NPAS3: variants seen among roughly 807,000 people sequenced by gnomAD.
NPAS3 encodes the protein neuronal PAS domain protein 3.
NPAS3 carries 14 observed loss-of-function variants against 73.1 expected under a neutral mutation model. The ratio of observed to expected loss-of-function variants is 0.19; its 90% confidence interval spans 0.13 to 0.30. NPAS3 has a LOEUF of 0.30. Ranked by LOEUF, NPAS3 falls within the 10% of genes least tolerant of loss-of-function variation. The pLI is 1.00. For missense variants in NPAS3, 1,096 were observed against 1,250.0 expected (o/e 0.88, Z 1.86); for synonymous variants, 620 against 541.5 (o/e 1.14, Z -2.01).
intron 1 of NPAS3, among the ~76,000 whole-genome samples, chr14:32,982,789 AC>A (rs925850517): frequency 5.9e-5 from 9 of 152,186 alleles, no homozygotes; most frequent in African/African-American, 2.2e-4. Flanking sequence ...GGAAGGTAAA[AC>A]CCGTATCACT....
rs182079925 is a variant in NPAS3 at position 33,352,039 on chromosome 14, G to A, written c.386-15147G>A. ...CTGCACATGTACCCCAGAACTTAACGTGTTAAAAAAAAAACATCTGCGGTT... is the reference window on the plus strand; with the variant it reads ...CTGCACATGTACCCCAGAACTTAACATGTTAAAAAAAAAACATCTGCGGTT... On this transcript the variant is annotated intron_variant, in intron 3 of 11. Coordinates refer to ENST00000356141, the Ensembl canonical transcript of NPAS3. 5.5e-5 allele frequency among the ~76,000 whole-genome samples: 8 copies of A among 146,604 alleles called. No individual in the cohort carries two copies. The East Asian group carries it at 1.0e-3, about 18-fold the overall frequency.
At chr14:33,598,429 C>T (rs1024070933) in intron 5 of NPAS3, among the ~76,000 whole-genome samples, 5 of 152,184 alleles carry the variant, frequency 3.3e-5, no homozygotes, top group Admixed American at 2.6e-4. Context: ...TTTAATAAGT[C>T]ATCATTCTAT....
intron 5 of NPAS3, among the ~76,000 whole-genome samples, chr14:33,601,718 A>C (rs1472675595): frequency 6.6e-6 from 1 of 152,174 alleles, no homozygotes; most frequent in African/African-American, 2.4e-5. Flanking sequence ...TATTTCTGGA[A>C]AGTAACTTAG....
intron 5 of NPAS3, among the ~76,000 whole-genome samples, chr14:33,588,122 G>C (rs1189097079): frequency 1.3e-5 from 2 of 152,236 alleles, no homozygotes; most frequent in East Asian, 3.9e-4. Flanking sequence ...AAAAATATAA[G>C]GCACGTTTTT....
intron 3 of NPAS3, among the ~76,000 whole-genome samples, chr14:33,359,677 T>C (rs151158951): frequency 6.6e-6 from 1 of 152,180 alleles, no homozygotes; most frequent in African/African-American, 2.4e-5. Flanking sequence ...AAAAAAAATT[T>C]TAGTGTATTT....
intron 5 of NPAS3, among the ~76,000 whole-genome samples, chr14:33,579,363 T>C (rs534475724): frequency 6.6e-6 from 1 of 152,346 alleles, no homozygotes; most frequent in East Asian, 1.9e-4. Flanking sequence ...TCATATTTTA[T>C]TGGATGATTT....
At chr14:33,174,395 C>T (rs536736537) in intron 2 of NPAS3, among the ~76,000 whole-genome samples, 1 of 152,318 alleles carries the variant, frequency 6.6e-6, no homozygotes, top group African/African-American at 2.4e-5. Flanking sequence ...ATGTGAGATG[C>T]ATGTGTGCCA....
chr14:33,092,573 C>T (rs2042264925), intron 2 of NPAS3, among the ~76,000 whole-genome samples: 1 of 152,176 alleles, frequency 6.6e-6, no homozygotes, highest in Non-Finnish European at 1.5e-5. Flanking sequence ...AATGCCATCC[C>T]CATCAAGCTA....
chr14:33,460,542 T>A (rs1049008478), intron 4 of NPAS3, among the ~76,000 whole-genome samples: 4 of 152,182 alleles, frequency 2.6e-5, no homozygotes, highest in African/African-American at 9.7e-5. Context: ...GTATCAACCC[T>A]TTCTGAATTC....
In NPAS3 at chr14:32,965,356, C is replaced by T. The variant is rs76032597; in HGVS notation, c.50+25990C>T. Among the ~76,000 whole-genome samples the T allele has an allele frequency of 2.6e-3, 396 of 152,252 alleles. 2 individuals are homozygous for T. The highest frequency in any genetic ancestry group is 7.9e-3 in the African/African-American group (328 of 41,560). The stretch of plus-strand genomic sequence containing the variant: ...TCAACAGCACATCTAAAAGTTCATT[C>T]GTAGTGATCAAGTGGGATTCATCCT... On this transcript the variant is annotated intron_variant, in intron 1 of 11. Transcript: ENST00000356141.
intron 5 of NPAS3, among the ~76,000 whole-genome samples, chr14:33,629,534 G>C (rs1345563601): frequency 2.0e-5 from 3 of 151,790 alleles, no homozygotes; most frequent in Non-Finnish European, 4.4e-5. Flanking sequence ...AATGATAGCA[G>C]TGAGGCTTGT....
intron 5 of NPAS3, among the ~76,000 whole-genome samples, chr14:33,562,908 C>CACACACAG (rs2055722555): frequency 6.6e-6 from 1 of 152,130 alleles, no homozygotes; most frequent in East Asian, 1.9e-4. Flanking sequence ...AGCACACACA[C>CACACACAG]ACACACACAC....
At chr14:33,718,193 A>C (rs1388890061) in intron 6 of NPAS3, among the ~76,000 whole-genome samples, 1 of 151,672 alleles carries the variant, frequency 6.6e-6, no homozygotes, top group African/African-American at 2.4e-5. Flanking sequence ...TTATTTCCTT[A>C]ATGTGCCTGG....
At chr14:33,544,641 A>G (rs1332983881) in intron 4 of NPAS3, among the ~76,000 whole-genome samples, 1 of 151,200 alleles carries the variant, frequency 6.6e-6, no homozygotes, top group East Asian at 2.0e-4. Flanking sequence ...ACTGAACCCT[A>G]CAGGCACCTT....
chr14:33,128,549 T>G (rs545322430), intron 2 of NPAS3, among the ~76,000 whole-genome samples: 1 of 152,300 alleles, frequency 6.6e-6, no homozygotes, highest in East Asian at 1.9e-4. Flanking sequence ...AAATTATGAC[T>G]TTTGTGCTAT....
At chr14:33,672,379 A>ATTTTT (rs536278391) in intron 5 of NPAS3, among the ~76,000 whole-genome samples, 1 of 151,890 alleles carries the variant, frequency 6.6e-6, no homozygotes, top group African/African-American at 2.4e-5. Context: ...AGTAAAAGAA[A>ATTTTT]TTTTTTTTTC....
downstream of NPAS3, chr14:33,801,553 T>C (rs1461076881): frequency 6.3e-6 from 1 of 158,022 alleles, no homozygotes; most frequent in Non-Finnish European, 1.4e-5. Flanking sequence ...CTAAGTCAAA[T>C]GAAATAGGGT....
chr14:33,721,990 T>C (rs546636875), intron 6 of NPAS3, among the ~76,000 whole-genome samples: 1 of 152,262 alleles, frequency 6.6e-6, no homozygotes, highest in East Asian at 1.9e-4. Context: ...AGGGCAACCA[T>C]AAATACCTGG....
At position 33,771,463 on chromosome 14, in the gene NPAS3, C is replaced by A. The variant is rs181249630; in HGVS notation, c.853-2874C>A. 4.0e-3 allele frequency among the ~76,000 whole-genome samples: 603 copies of A among 152,196 alleles called. 4 individuals are homozygous for A. The highest frequency in any genetic ancestry group is 3.7e-3 in the Admixed American group (56 of 15,288). The stretch of plus-strand genomic sequence containing the variant: ...TCAAAGATTTTTCAAATAACTTGAG[C>A]TTCTAGTTATAAATGAAATCTTTTC... On this transcript the variant is annotated intron_variant, in intron 7 of 11. Transcript: ENST00000356141.
Sources: allele counts gnomAD v4.1 joint callset (sites outside exome capture counted in the v4.1 genomes callset), GRCh38; gene constraint gnomAD v4.1.1; transcripts MANE v1.5; gene names NCBI Gene and HGNC (gene_info 2026-07-23, HGNC 2026-07-21).